Variants in TXNL1 observed in about 807,000 individuals in gnomAD.
The protein encoded by TXNL1 is thioredoxin-like protein 1.
Under a neutral mutation model 35.5 loss-of-function variants are expected in TXNL1, and 14 were observed. That is an observed-to-expected ratio of 0.39 (90% CI 0.26 to 0.62). TXNL1 has a LOEUF of 0.62. TXNL1 is among the 20% of genes least tolerant of loss of function. TXNL1 has a pLI of 0.47. For missense variants in TXNL1, 263 were observed against 349.7 expected (o/e 0.75, Z 1.98); for synonymous variants, 110 against 115.5 (o/e 0.95, Z 0.31).
At position 56,600,461 on chromosome 18, in the gene TXNL1, C is replaced by A. The variant is rs1215521394; in HGVS notation, c.*2566G>T. The A allele has an allele frequency of 6.8e-6, 1 of 147,222 alleles. No individual in the cohort carries two copies. The highest frequency in any genetic ancestry group is 1.5e-5 in the Non-Finnish European group (1 of 67,144). The allele number at this position is 147,222 out of a possible 1,614,324, so 9.1% of individuals were successfully genotyped here. On this transcript the variant is annotated 3_prime_UTR_variant, in exon 8 of 8. Coordinates refer to ENST00000217515, the MANE Select transcript of TXNL1 (RefSeq NM_004786.3). ...CCAACAGAATATTGAGACTGGGGAA[C>A]AATGTGGGGCAGGTTTCAACTCTAA...
chr18:56,626,141 CA>C, intron 2 of TXNL1: 1 of 1,205,580 alleles, frequency 8.3e-7, no homozygotes, highest in Non-Finnish European at 1.0e-6. Flanking sequence ...AATTTTATAT[CA>C]GAAGGTGATT....
In TXNL1 at chr18:56,600,062, C is replaced by T. The variant is rs563028032; in HGVS notation, c.*2965G>A. 1 of 152,282 alleles carries T rather than the reference C, an allele frequency of 6.6e-6. No individual in the cohort carries two copies. The highest frequency in any genetic ancestry group is 6.5e-5 in the Admixed American group (1 of 15,294). 9.4% of individuals were successfully genotyped at this position (152,282 alleles called of 1,614,324 possible). On this transcript the variant is annotated 3_prime_UTR_variant, in exon 8 of 8. Coordinates refer to ENST00000217515, the MANE Select transcript of TXNL1 (RefSeq NM_004786.3). ...GTAACTAATTTATTCAACTCCAACA[C>T]TTTATTCTTATTACAGAATCAAAGC...
chr18:56,638,494 G>A lies in TXNL1; in HGVS notation c.-54C>T. On this transcript the variant is annotated 5_prime_UTR_variant, in exon 1 of 8. Transcript: ENST00000217515. The stretch of plus-strand genomic sequence containing the variant: ...CGACGCCACTGGCTTTGAAACTGAA[G>A]GAGAAGACGATCTGGGAGAGGAAGG... The A allele has an allele frequency of 1.3e-6, 2 of 1,557,146 alleles. No individual in the cohort carries two copies. The highest frequency in any genetic ancestry group is 1.8e-6 in the Non-Finnish European group (2 of 1,142,154).
intron 4 of TXNL1, among the ~76,000 whole-genome samples, chr18:56,617,538 T>C (rs2024110003): frequency 6.6e-6 from 1 of 152,214 alleles, no homozygotes; most frequent in Non-Finnish European, 1.5e-5. Flanking sequence ...AAAAGCTTGA[T>C]CAAGGTGGTA....
chr18:56,617,736 A>G (rs2024112951), intron 4 of TXNL1, among the ~76,000 whole-genome samples: 1 of 152,232 alleles, frequency 6.6e-6, no homozygotes, highest in South Asian at 2.1e-4. Context: ...CAAAAAGACC[A>G]AACAGTGGTA....
intron 7 of TXNL1, chr18:56,608,967 C>CAAAAA (rs1568099229): frequency 2.7e-5 from 4 of 146,640 alleles, no homozygotes; most frequent in Non-Finnish European, 3.0e-5. Context: ...AAAAAAAAAT[C>CAAAAA]ATAAAATTCT....
At chr18:56,623,476 A>C (rs2024224959) in intron 3 of TXNL1, among the ~76,000 whole-genome samples, 1 of 151,802 alleles carries the variant, frequency 6.6e-6, no homozygotes, top group Non-Finnish European at 1.5e-5. Flanking sequence ...AACTTTTTTT[A>C]AAATTCATTC....
intron 3 of TXNL1, among the ~76,000 whole-genome samples, chr18:56,620,080 T>C (rs2024156858): frequency 6.6e-6 from 1 of 152,200 alleles, no homozygotes. Flanking sequence ...GTGATTCTCC[T>C]GCTTCAGTCT....
chr18:56,624,450 G>A lies in TXNL1; in HGVS notation c.207C>T (p.Ala69=). 1 of 1,611,352 alleles carries A rather than the reference G, an allele frequency of 6.2e-7. No homozygotes were observed. The highest frequency in any genetic ancestry group is 8.5e-7 in the Non-Finnish European group (1 of 1,178,130). The change falls in exon 3 of 8, where the codon GCC becomes GCT. Residue 69 remains alanine (A), a synonymous_variant. Transcript: ENST00000217515. ...VDVHQCQGTA[A]TNNISATPTF... ...TAGGTGTTGCTGATATATTGTTGGT[G>A]GCAGCTGTTCCCTAGAATTGGCAAG... is the stretch of plus-strand genomic sequence containing the variant.
intron 7 of TXNL1, among the ~76,000 whole-genome samples, chr18:56,603,535 G>T (rs1287280753): frequency 1.3e-5 from 2 of 151,974 alleles, no homozygotes; most frequent in African/African-American, 4.8e-5. Context: ...GATTAAAAGT[G>T]ACTAATTTTT....
Position 56,638,409 on chromosome 18 carries a change from G to A in TXNL1, c.32C>T (p.Pro11Leu), listed in dbSNP as rs767344584. The change falls in exon 1 of 8, where the codon CCG becomes CTG. Residue 11 changes from proline to leucine, a missense_variant. Physicochemically the swap from Pro to Leu is moderately conservative, Grantham distance 98. Transcript: ENST00000217515. Reference protein sequence around the residue: MVGVKPVGSDPDFQPELSGAG... With the variant: MVGVKPVGSDLDFQPELSGAG... ...GCCGCTCAGCTCTGGCTGGAAATCCGGGTCGCTCCCGACGGGCTTCACCCC... is the reference window on the plus strand; with the variant it reads ...GCCGCTCAGCTCTGGCTGGAAATCCAGGTCGCTCCCGACGGGCTTCACCCC... 5 of 1,613,506 alleles carry A rather than the reference G, an allele frequency of 3.1e-6. No homozygotes were observed. In the Admixed American group the frequency reaches 6.7e-5, roughly 22 times the overall value.
chr18:56,602,914 G>T lies in TXNL1; in HGVS notation c.*113C>A. 1 of 1,123,568 alleles carries T rather than the reference G, an allele frequency of 8.9e-7. No homozygotes were observed. Among genetic ancestry groups the T allele is most frequent in the South Asian group, 1.3e-5 (1 of 77,918 alleles). The allele number at this position is 1,123,568 out of a possible 1,614,324, so 69.6% of individuals were successfully genotyped here. A position where few individuals can be genotyped will look rare whatever the true frequency, so the allele number is the denominator to read the frequency against. ...GTGATACCATCTGAACAAAAGCAAT[G>T]ATTTATTGGTAATGGCAATGAATGA... On this transcript the variant is annotated 3_prime_UTR_variant, in exon 8 of 8. Transcript: ENST00000217515.
At chr18:56,629,885 A>T (rs969654569) in intron 1 of TXNL1, among the ~76,000 whole-genome samples, 1 of 152,162 alleles carries the variant, frequency 6.6e-6, no homozygotes, top group African/African-American at 2.4e-5. Flanking sequence ...GCAATTTTGT[A>T]ACAAGATCAG....
chr18:56,614,533 G>C lies in TXNL1; in HGVS notation c.626C>G (p.Ala209Gly). ...AGCTTGAGTTGGTTCACTTCTTTCT[G>C]CCTCTTCAAAATCCATAGATCGGGG... ...NLPRSMDFEE[A>G]ERSEPTQALE... Residue 209 changes from alanine to glycine, a missense_variant, in exon 6 of 8, where the codon GCA (alanine) becomes GGA (glycine). Transcript: ENST00000217515. The C allele has an allele frequency of 6.2e-7, 1 of 1,613,732 alleles. No homozygotes were observed. The highest frequency in any genetic ancestry group is 8.5e-7 in the Non-Finnish European group (1 of 1,179,926).
At position 56,638,501 on chromosome 18, in the gene TXNL1, A is replaced by C; in HGVS notation, c.-61T>G. The C allele has an allele frequency of 6.6e-7, 1 of 1,524,830 alleles. No individual in the cohort carries two copies. The highest frequency in any genetic ancestry group is 8.9e-7 in the Non-Finnish European group (1 of 1,118,450). 94.5% of individuals were successfully genotyped at this position (1,524,830 alleles called of 1,614,324 possible). ...ACTGGCTTTGAAACTGAAGGAGAAG[A>C]CGATCTGGGAGAGGAAGGAGAGATG... is the stretch of plus-strand genomic sequence containing the variant. On this transcript the variant is annotated 5_prime_UTR_variant, in exon 1 of 8. Coordinates refer to ENST00000217515, the MANE Select transcript of TXNL1 (RefSeq NM_004786.3).
At chr18:56,637,915 T>C (rs2024482349) in intron 1 of TXNL1, among the ~76,000 whole-genome samples, 1 of 152,002 alleles carries the variant, frequency 6.6e-6, no homozygotes, top group Non-Finnish European at 1.5e-5. Flanking sequence ...GAGATGTAGG[T>C]GGTGAAGAGA....
intron 6 of TXNL1, among the ~76,000 whole-genome samples, chr18:56,611,617 G>A (rs905579836): frequency 6.6e-6 from 1 of 152,106 alleles, no homozygotes; most frequent in East Asian, 1.9e-4. Flanking sequence ...CTCCAGAGAT[G>A]TCATGGCAAG....
intron 7 of TXNL1, among the ~76,000 whole-genome samples, chr18:56,607,161 T>TTG (rs112495608): frequency 0.65 from 89,903 of 137,300 alleles, 30,299 homozygotes; most frequent in Non-Finnish European, 0.75. Context: ...CTGGGTAATT[T>TTG]TGTGTGTGTG....
rs754346532 is a variant in TXNL1, at chr18:56,603,072, T to C, written c.841-16A>G. On this transcript the variant is annotated splice_polypyrimidine_tract_variant and intron_variant, in intron 7 of 7. Coordinates refer to ENST00000217515, the MANE Select transcript of TXNL1 (RefSeq NM_004786.3). ...TGCCAACTACCTAGAAAAACAAAAA[T>C]AAGTTTATATGTACATCCTATTGAT... The C allele has an allele frequency of 5.0e-6, 8 of 1,605,462 alleles. No individual in the cohort carries two copies. The highest frequency in any genetic ancestry group is 6.8e-6 in the Non-Finnish European group (8 of 1,172,596).
Sources: gnomAD v4.1 joint callset for allele counts (sites outside exome capture counted in the v4.1 genomes callset) on GRCh38, gnomAD v4.1.1 for gene constraint, MANE v1.5 for transcripts, NCBI Gene and HGNC (gene_info 2026-07-23, HGNC 2026-07-21) for gene names.